The following TRMU variants were observed in gnomAD, a reference collection of about 807,000 sequenced individuals.
TRMU encodes mitochondrial tRNA-specific 2-thiouridylase 1.
TRMU carries 49 observed loss-of-function variants against 46.9 expected under a neutral mutation model. That is an observed-to-expected ratio of 1.05 (90% CI 0.83 to 1.33). TRMU has a LOEUF of 1.33. Among genes scored for constraint, TRMU ranks in the 40% most tolerant of loss-of-function variants. The pLI is 0.00. For missense variants in TRMU, 572 were observed against 532.4 expected, an observed-to-expected ratio of 1.07 and a Z score of -0.73; for synonymous variants, 241 against 200.9, an observed-to-expected ratio of 1.20 and a Z score of -1.69.
intron 2 of TRMU, among the ~76,000 whole-genome samples, chr22:46,341,329 GTAGTTTA>G (rs2078117512): frequency 6.6e-6 from 1 of 152,210 alleles, no homozygotes; most frequent in South Asian, 2.1e-4. Flanking sequence ...TGCACCTTAA[GTAGTTTA>G]TAGTTTAATG....
At chr22:46,355,912 T>G in intron 9 of TRMU, 78 bp from the exon 10 acceptor site, 1 of 1,533,788 alleles carries the variant, frequency 6.5e-7, no homozygotes, top group Non-Finnish European at 9.0e-7. Flanking sequence ...CGTGGGCTGG[T>G]GCTCCTTTCT....
intron 7 of TRMU, chr22:46,353,487 CA>C: frequency 2.5e-6 from 1 of 396,854 alleles, no homozygotes; most frequent in South Asian, 2.1e-5. Context: ...GGCCTAGGGT[CA>C]GGGGCTCCTA....
intron 8 of TRMU, 114 bp downstream of exon 8, chr22:46,353,981 A>T (rs1209430034): frequency 1.1e-6 from 1 of 931,830 alleles, no homozygotes; most frequent in East Asian, 2.6e-5. Flanking sequence ...GGAGGCTGTG[A>T]CTAACTCTGT....
In TRMU at chr22:46,348,256, CTG is replaced by C. The variant is rs1396922695; in HGVS notation, c.478+1717_478+1718del. 6.6e-6 allele frequency among the ~76,000 whole-genome samples: 1 copy of C among 152,210 alleles called. No individual in the cohort carries two copies. Among genetic ancestry groups the C allele is most frequent in the East Asian group, 1.9e-4 (1 of 5,202 alleles). The stretch of plus-strand genomic sequence containing the variant: ...TCCTAGAACATTACCTCCTAGAACA[CTG>C]TGTGCCCTGCAGAGCCATCGACCTT... On this transcript the variant is annotated intron_variant, in intron 4 of 10. Coordinates refer to ENST00000645190, the MANE Select transcript of TRMU (RefSeq NM_018006.5). The surrounding 1 kb of genome is among the most constrained non-coding windows in gnomAD (Gnocchi z 4.8).
intron 3 of TRMU, among the ~76,000 whole-genome samples, chr22:46,345,130 G>T (rs964937773): frequency 2.0e-5 from 3 of 152,194 alleles, no homozygotes; most frequent in Admixed American, 1.3e-4. Context: ...GAGTGCAGTG[G>T]TGTGATCTCG....
At position 46,357,190 on chromosome 22, in the gene TRMU, G is replaced by T; in HGVS notation, c.*184G>T. ...AGGAAGAGCCTCAGCTCCAGGCTGG[G>T]GCTCTGGCTGCTGGAGCATCTGCTG... On this transcript the variant is annotated 3_prime_UTR_variant, in exon 11 of 11. Transcript: ENST00000645190. The T allele has an allele frequency of 1.3e-6, 1 of 771,030 alleles. No individual in the cohort carries two copies. Among genetic ancestry groups the T allele is most frequent in the Non-Finnish European group, 2.1e-6 (1 of 478,616 alleles). The allele number at this position is 771,030 out of a possible 1,614,324, so 47.8% of individuals were successfully genotyped here. A position where few individuals can be genotyped will look rare whatever the true frequency, so the allele number is the denominator to read the frequency against.
rs554664600 is a variant in TRMU, at chr22:46,351,445, T to C, written c.652-676T>C. On this transcript the variant is annotated intron_variant, in intron 5 of 10. Coordinates refer to ENST00000645190, the MANE Select transcript of TRMU (RefSeq NM_018006.5). The surrounding 1 kb of genome is among the most constrained non-coding windows in gnomAD (Gnocchi z 6.4). ...CTTCAGGGGCCAGTGCGGTGGGAGC[T>C]GTTGCTCCTTCGTGTCTCTTCCTGG... 1.5e-3 allele frequency among the ~76,000 whole-genome samples: 232 copies of C among 151,658 alleles called. 1 individual carries two copies. Among genetic ancestry groups the C allele is most frequent in the African/African-American group, 5.4e-3 (221 of 41,032 alleles).
At chr22:46,352,082 A>G (rs762469133) in intron 5 of TRMU, 39 bp from the exon 6 acceptor site, 1 of 1,610,770 alleles carries the variant, frequency 6.2e-7, no homozygotes, top group South Asian at 1.1e-5. Flanking sequence ...GGCCACCGCC[A>G]CTTCTGCTCC....
chr22:46,341,519 C>T (rs760840598), intron 2 of TRMU, among the ~76,000 whole-genome samples: 3 of 151,858 alleles, frequency 2.0e-5, no homozygotes, highest in Non-Finnish European at 2.9e-5. Context: ...ACCTCTGACC[C>T]TGTGCAGATC....
chr22:46,343,199 CTT>C (rs367879331), intron 2 of TRMU, 61 bp from the exon 3 acceptor site: 3,325 of 948,660 alleles, frequency 3.5e-3, no homozygotes, highest in Non-Finnish European at 4.2e-3. Flanking sequence ...ATTTAGTGAA[CTT>C]TTTTTTTTTT....
intron 4 of TRMU, 46 bp downstream of exon 4, chr22:46,346,590 T>A (rs780564652): frequency 1.3e-6 from 2 of 1,591,646 alleles, no homozygotes; most frequent in Admixed American, 3.4e-5. Flanking sequence ...GTGAACAGAT[T>A]GAAATCTTTG....
intron 7 of TRMU, 125 bp downstream of exon 7, chr22:46,352,455 T>G: frequency 8.0e-7 from 1 of 1,250,830 alleles, no homozygotes; most frequent in South Asian, 1.2e-5. Context: ...GAAGGCTCTG[T>G]GGGGCGGCCG....
intron 8 of TRMU, 105 bp from the exon 9 acceptor site, chr22:46,355,339 G>T: frequency 7.8e-7 from 1 of 1,278,850 alleles, no homozygotes; most frequent in Admixed American, 2.1e-5. Context: ...ACCGTTACCT[G>T]TGTGTGTGTG....
Position 46,336,445 on chromosome 22 carries a change from A to G in TRMU, c.82+599A>G, listed in dbSNP as rs1027882977. The G allele has an allele frequency of 2.0e-5, 3 of 152,454 alleles. No homozygotes were observed. Among genetic ancestry groups the G allele is most frequent in the African/African-American group, 7.2e-5 (3 of 41,452 alleles). 9.4% of individuals were successfully genotyped at this position (152,454 alleles called of 1,614,324 possible). On this transcript the variant is annotated intron_variant, in intron 1 of 10. Transcript: ENST00000645190. The surrounding 1 kb of genome is among the most constrained non-coding windows in gnomAD (Gnocchi z 4.1). ...TAGCATTCCTCGGGCCCGGCGCTGA[A>G]ATGAGCACTTGTTTAACTTCACCTG...
At chr22:46,353,584 G>T in intron 7 of TRMU, 183 bp from the exon 8 acceptor site, 1 of 580,238 alleles carries the variant, frequency 1.7e-6, no homozygotes, top group Non-Finnish European at 3.2e-6. Flanking sequence ...GGACAATGAT[G>T]AGATGTGCTC....
intron 7 of TRMU, 190 bp downstream of exon 7, chr22:46,352,520 T>C: frequency 1.5e-6 from 1 of 668,966 alleles, no homozygotes; most frequent in South Asian, 1.7e-5. Flanking sequence ...TGGGTGCACT[T>C]CCAGATGTGG....
chr22:46,357,133 T>C lies in TRMU; in HGVS notation c.*127T>C. 1 of 1,388,462 alleles carries C rather than the reference T, an allele frequency of 7.2e-7. No individual in the cohort carries two copies. The highest frequency in any genetic ancestry group is 1.2e-5 in the South Asian group (1 of 81,448). 86.0% of individuals were successfully genotyped at this position (1,388,462 alleles called of 1,614,324 possible). ...CAGAGGAAGCCGGGCTGGCTGAGGG[T>C]CCGAAAAGCCTGCAGGGGCCCGGCG... On this transcript the variant is annotated 3_prime_UTR_variant, in exon 11 of 11. Coordinates refer to ENST00000645190, the MANE Select transcript of TRMU (RefSeq NM_018006.5).
intron 9 of TRMU, 51 bp downstream of exon 9, chr22:46,355,639 T>C: frequency 6.2e-7 from 1 of 1,612,948 alleles, no homozygotes; most frequent in Non-Finnish European, 8.5e-7. Context: ...CTGAGCTTCC[T>C]GAGGCCAGAT....
chr22:46,335,718 C>G lies in TRMU; in HGVS notation c.-47C>G, dbSNP rs908074429. On this transcript the variant is annotated 5_prime_UTR_variant, in exon 1 of 11. Transcript: ENST00000645190. ...GGCCGGGGCGGGACTTCCGGCAAGG[C>G]GCGGAAGCGGCGGTAGCTGCAGCTG... The G allele has an allele frequency of 3.3e-5, 50 of 1,534,034 alleles. No homozygotes were observed. In the East Asian group the frequency reaches 1.2e-3, roughly 37 times the overall value.
Sources: gnomAD v4.1 joint callset for allele counts (sites outside exome capture counted in the v4.1 genomes callset) on GRCh38, gnomAD v4.1.1 for gene constraint, Gnocchi (gnomAD v3.1) non-coding constraint, MANE v1.5 for transcripts, NCBI Gene and HGNC (gene_info 2026-07-23, HGNC 2026-07-21) for gene names.